Variants in LINGO1 observed in about 807,000 individuals in gnomAD.
The protein encoded by LINGO1 is leucine-rich repeat and immunoglobulin-like domain-containing nogo receptor-interacting protein 1.
In LINGO1, 11 loss-of-function variants were observed where a neutral mutation model predicts 37.3. The ratio of observed to expected loss-of-function variants is 0.29; its 90% CI spans 0.19 to 0.49. The LOEUF (loss-of-function observed/expected upper bound fraction) is 0.49, where lower values mean the gene tolerates loss of function less well. Among genes scored for constraint, LINGO1 ranks in the 20% least tolerant of loss-of-function variants. The pLI is 0.99. For missense variants in LINGO1, 585 were observed against 878.2 expected (o/e 0.67, Z 4.22); for synonymous variants, 387 against 403.0 (o/e 0.96, Z 0.48).
intron 2 of LINGO1, among the ~76,000 whole-genome samples, chr15:77,714,778 G>T (rs1309030738): frequency 6.6e-6 from 1 of 152,196 alleles, no homozygotes; most frequent in Non-Finnish European, 1.5e-5. Context: ...GGGCACGGGG[G>T]AGGGTGCGCA....
chr15:77,653,428 C>T (rs1237613011), intron 3 of LINGO1, among the ~76,000 whole-genome samples: 2 of 152,196 alleles, frequency 1.3e-5, no homozygotes, highest in African/African-American at 4.8e-5. Context: ...GCCTGGTGGG[C>T]CATCCAGACT....
At chr15:77,775,852 A>T (rs2141411980) in intron 1 of LINGO1, among the ~76,000 whole-genome samples, 1 of 152,132 alleles carries the variant, frequency 6.6e-6, no homozygotes, top group East Asian at 1.9e-4. Flanking sequence ...CCCAAACCCC[A>T]CACAGCAGCG....
At chr15:77,683,244 G>C (rs976352573) in intron 2 of LINGO1, among the ~76,000 whole-genome samples, 2 of 152,106 alleles carry the variant, frequency 1.3e-5, no homozygotes, top group Non-Finnish European at 2.9e-5. Context: ...GGATGGTATG[G>C]GGAAATGGTC....
intron 1 of LINGO1, among the ~76,000 whole-genome samples, chr15:77,812,694 C>T (rs1003866081): frequency 1.9e-4 from 29 of 152,300 alleles, no homozygotes; most frequent in African/African-American, 6.7e-4. Flanking sequence ...TGGCCAGGCT[C>T]ACCTCCGTGG....
At chr15:77,704,053 A>C (rs1037611625) in intron 2 of LINGO1, among the ~76,000 whole-genome samples, 1 of 152,146 alleles carries the variant, frequency 6.6e-6, no homozygotes. Context: ...TCAGAAAGAC[A>C]CTTTATCTTT....
chr15:77,776,530 G>GGAAGGCAGGAAAGCAGGAAGGCAGGA (rs2076653137), intron 1 of LINGO1, among the ~76,000 whole-genome samples: 5 of 34,520 alleles, frequency 1.4e-4, no homozygotes, highest in Admixed American at 6.0e-4. Context: ...GGGAGGAAGG[G>GGAAGGCAGGAAAGCAGGAAGGCAGGA]AGGGAGGGAG....
At chr15:77,687,262 G>A (rs780542421) in intron 2 of LINGO1, among the ~76,000 whole-genome samples, 34 of 152,202 alleles carry the variant, frequency 2.2e-4, no homozygotes, top group African/African-American at 7.2e-4. Flanking sequence ...CGCTCAGTGC[G>A]CAACTGAGGT....
chr15:77,734,178 G>T (rs1245991022), intron 2 of LINGO1, among the ~76,000 whole-genome samples: 1 of 152,164 alleles, frequency 6.6e-6, no homozygotes, highest in African/African-American at 2.4e-5. Flanking sequence ...TACTGCTGCT[G>T]CAGGCTTGTG....
intron 1 of LINGO1, among the ~76,000 whole-genome samples, chr15:77,617,185 C>A (rs547578568): frequency 6.6e-6 from 1 of 152,100 alleles, no homozygotes; most frequent in Non-Finnish European, 1.5e-5. Flanking sequence ...AAGGGGTATG[C>A]GGGAGCCTCC....
At chr15:77,795,638 G>A (rs1395509760) in intron 2 of LINGO1, among the ~76,000 whole-genome samples, 2 of 152,210 alleles carry the variant, frequency 1.3e-5, no homozygotes, top group Non-Finnish European at 2.9e-5. Context: ...CAATGTGACA[G>A]GACCAAGGAC....
intron 1 of LINGO1, among the ~76,000 whole-genome samples, chr15:77,817,737 C>T (rs1403831804): frequency 2.0e-5 from 3 of 152,186 alleles, no homozygotes; most frequent in Non-Finnish European, 4.4e-5. Context: ...CCATGCCTCA[C>T]CAAAGACCAG....
chr15:77,619,843 C>T (rs1456819987), intron 1 of LINGO1, among the ~76,000 whole-genome samples: 1 of 152,264 alleles, frequency 6.6e-6, no homozygotes, highest in African/African-American at 2.4e-5. Flanking sequence ...GGCCATGCTC[C>T]GTGGGAGCAG....
At chr15:77,696,226 G>C (rs899397284) in intron 1 of LINGO1, 1 of 152,180 alleles carries the variant, frequency 6.6e-6, no homozygotes, top group Non-Finnish European at 1.5e-5. Flanking sequence ...ACGGTGGGGA[G>C]GGGGGAGCAG....
intron 1 of LINGO1, among the ~76,000 whole-genome samples, chr15:77,780,549 C>T (rs935622149): frequency 2.0e-5 from 3 of 152,048 alleles, no homozygotes; most frequent in South Asian, 4.1e-4. Context: ...CAACACAATG[C>T]CAGCCTGTGT....
intron 2 of LINGO1, among the ~76,000 whole-genome samples, chr15:77,717,026 G>A (rs1333032728): frequency 6.6e-6 from 1 of 150,436 alleles, no homozygotes; most frequent in Non-Finnish European, 1.5e-5. Flanking sequence ...AGAGAGGAGA[G>A]AGACCCAGGA....
In LINGO1 at chr15:77,632,436, G is replaced by T. The variant is rs2074286085; in HGVS notation, c.-121C>A. The T allele has an allele frequency of 9.1e-7, 1 of 1,103,842 alleles. No individual in the cohort carries two copies. Among genetic ancestry groups the T allele is most frequent in the East Asian group, 3.3e-5 (1 of 29,864 alleles). 68.4% of individuals were successfully genotyped at this position (1,103,842 alleles called of 1,614,324 possible). The stretch of plus-strand genomic sequence containing the variant: ...CGTTTCCTCCTCCTCCGACACCTCC[G>T]CCCGGCAGTCCGCGCGCCCTCGCGG... On this transcript the variant is annotated 5_prime_UTR_variant, in exon 1 of 2. Coordinates refer to ENST00000355300, the MANE Select transcript of LINGO1 (RefSeq NM_032808.7). The surrounding 1 kb of genome is among the most constrained non-coding windows in gnomAD (Gnocchi z 6.0).
chr15:77,793,830 T>C (rs2076836662), intron 2 of LINGO1, among the ~76,000 whole-genome samples: 1 of 152,254 alleles, frequency 6.6e-6, no homozygotes, highest in African/African-American at 2.4e-5. Context: ...AATACATGTT[T>C]TGTAGAAGAC....
intron 2 of LINGO1, among the ~76,000 whole-genome samples, chr15:77,722,493 T>C (rs2076060720): frequency 6.6e-6 from 1 of 152,240 alleles, no homozygotes; most frequent in Non-Finnish European, 1.5e-5. Flanking sequence ...ACAAGCTATG[T>C]GAACTCAGGC....
intron 3 of LINGO1, among the ~76,000 whole-genome samples, chr15:77,664,179 G>GCGCGCGCGCGCA (rs1555527634): frequency 2.0e-5 from 3 of 151,690 alleles, no homozygotes; most frequent in African/African-American, 7.3e-5. Flanking sequence ...GTGCGCGCGC[G>GCGCGCGCGCGCA]CATGCGTTTG....
Sources: gnomAD v4.1 joint callset for allele counts (sites outside exome capture counted in the v4.1 genomes callset) on GRCh38, gnomAD v4.1.1 for gene constraint, Gnocchi (gnomAD v3.1) non-coding constraint, MANE v1.5 for transcripts, NCBI Gene and HGNC (gene_info 2026-07-23, HGNC 2026-07-21) for gene names.